Variants in PCDH17 observed in about 807,000 individuals in gnomAD.
PCDH17 encodes the protein protocadherin 17, also known as protocadherin-17.
PCDH17 carries 21 observed loss-of-function variants against 67.7 expected under a neutral mutation model. That is an observed-to-expected ratio of 0.31 (90% CI 0.22 to 0.45). The LOEUF (loss-of-function observed/expected upper bound fraction) is 0.45, where lower values mean the gene tolerates loss of function less well. Among genes scored for constraint, PCDH17 ranks in the 20% least tolerant of loss-of-function variants. PCDH17 has a pLI of 1.00. For missense variants in PCDH17, 1,471 were observed against 1,564.8 expected (o/e 0.94, Z 1.01); for synonymous variants, 701 against 656.7 (o/e 1.07, Z -1.03).
intron 3 of PCDH17, among the ~76,000 whole-genome samples, chr13:57,668,155 T>A (rs1955278688): frequency 6.6e-6 from 1 of 152,010 alleles, no homozygotes; most frequent in Non-Finnish European, 1.5e-5. Context: ...AAAATTTATA[T>A]GTTTACTTGA....
At chr13:57,652,170 C>G (rs966063443) in intron 1 of PCDH17, among the ~76,000 whole-genome samples, 2 of 149,214 alleles carry the variant, frequency 1.3e-5, no homozygotes, top group African/African-American at 4.9e-5. Flanking sequence ...CCCACCTACT[C>G]GGGAGGCTGA....
Position 57,657,107 on chromosome 13 carries a change from GTTA to G in PCDH17, c.2566-9354_2566-9352del, listed in dbSNP as rs144370414. 3.7e-3 allele frequency among the ~76,000 whole-genome samples: 569 copies of G among 152,186 alleles called. 2 individuals are homozygous for G. Among genetic ancestry groups the G allele is most frequent in the African/African-American group, 0.013 (551 of 41,546 alleles). On this transcript the variant is annotated intron_variant, in intron 1 of 3. Transcript: ENST00000377918. ...TACATAATTAAATGCTGGCACATCA[GTTA>G]TTATTAAAGTTATCAATGTCATTTC... is the stretch of plus-strand genomic sequence containing the variant.
intron 1 of PCDH17, among the ~76,000 whole-genome samples, chr13:57,658,164 T>A (rs982550179): frequency 6.6e-6 from 1 of 152,194 alleles, no homozygotes; most frequent in Non-Finnish European, 1.5e-5. Context: ...CTATTTAGAT[T>A]ATTGAGGCAA....
chr13:57,673,063 A>G (rs1345193869), intron 3 of PCDH17, among the ~76,000 whole-genome samples: 2 of 151,978 alleles, frequency 1.3e-5, no homozygotes, highest in African/African-American at 4.8e-5. Flanking sequence ...CTTCTAATCT[A>G]TAACTAAGGT....
chr13:57,670,410 T>C (rs942930598), intron 3 of PCDH17, among the ~76,000 whole-genome samples: 7 of 151,686 alleles, frequency 4.6e-5, no homozygotes, highest in Non-Finnish European at 8.9e-5. Flanking sequence ...AAAACAAAAG[T>C]AAATTTTCTC....
At chr13:57,722,941 A>T (rs1220318058) in intron 3 of PCDH17, among the ~76,000 whole-genome samples, 2 of 152,156 alleles carry the variant, frequency 1.3e-5, no homozygotes, top group African/African-American at 4.8e-5. Context: ...CTTTTAAAAA[A>T]TTTCAGTTCT....
intron 3 of PCDH17, among the ~76,000 whole-genome samples, chr13:57,707,549 T>A (rs1188625088): frequency 6.6e-6 from 1 of 152,128 alleles, no homozygotes; most frequent in African/African-American, 2.4e-5. Context: ...AAGCCACTTC[T>A]ACATTTTTAG....
intron 1 of PCDH17, among the ~76,000 whole-genome samples, chr13:57,659,103 T>TTGTGTG (rs71083322): frequency 0.27 from 37,873 of 139,614 alleles, 5,468 homozygotes; most frequent in South Asian, 0.52. Flanking sequence ...GTTATTTATA[T>TTGTGTG]TGTGTGTGTG....
At chr13:57,702,861 A>C (rs1955680318) in intron 3 of PCDH17, among the ~76,000 whole-genome samples, 1 of 152,140 alleles carries the variant, frequency 6.6e-6, no homozygotes, top group Non-Finnish European at 1.5e-5. Context: ...GGTTAGAAAA[A>C]TTAGCTATTA....
At chr13:57,681,138 G>A (rs1052365419) in intron 3 of PCDH17, among the ~76,000 whole-genome samples, 4 of 151,608 alleles carry the variant, frequency 2.6e-5, no homozygotes, top group African/African-American at 7.3e-5. Context: ...GAGGTAACTC[G>A]CTCATTTTGA....
At chr13:57,689,857 T>C (rs1273694671) in intron 3 of PCDH17, among the ~76,000 whole-genome samples, 2 of 151,904 alleles carry the variant, frequency 1.3e-5, no homozygotes, top group Admixed American at 1.3e-4. Context: ...TGTATACACA[T>C]ACATTTTATA....
intron 3 of PCDH17, among the ~76,000 whole-genome samples, chr13:57,682,936 G>A (rs1311151659): frequency 6.6e-6 from 1 of 151,780 alleles, no homozygotes; most frequent in Non-Finnish European, 1.5e-5. Flanking sequence ...ACAGAATTAT[G>A]TACACTTATC....
chr13:57,694,783 C>T (rs976798674), intron 3 of PCDH17, among the ~76,000 whole-genome samples: 3 of 150,616 alleles, frequency 2.0e-5, no homozygotes, highest in South Asian at 2.1e-4. Flanking sequence ...ATAATTGTTC[C>T]ATTTTAATAG....
intron 3 of PCDH17, among the ~76,000 whole-genome samples, chr13:57,711,266 C>G (rs1036878934): frequency 1.3e-5 from 2 of 151,876 alleles, no homozygotes; most frequent in Admixed American, 1.3e-4. Context: ...TGCATACATG[C>G]ACAGGCACAT....
rs1955908566 is a variant in PCDH17, at chr13:57,725,422, A to G, written c.*128A>G. On this transcript the variant is annotated 3_prime_UTR_variant, in exon 4 of 4. Coordinates refer to ENST00000377918, the MANE Select transcript of PCDH17 (RefSeq NM_001040429.3). ...AATGCTGCTTTAAGGCTTTTAGTGA[A>G]CATCTGAAGTGCCCACAAGTATGTT... The G allele has an allele frequency of 7.9e-6, 6 of 756,976 alleles. No individual in the cohort carries two copies. Among genetic ancestry groups the G allele is most frequent in the Non-Finnish European group, 1.3e-5 (6 of 477,064 alleles). The allele number at this position is 756,976 out of a possible 1,614,324, so 46.9% of individuals were successfully genotyped here. A position where few individuals can be genotyped will look rare whatever the true frequency, so the allele number is the denominator to read the frequency against.
At position 57,634,290 on chromosome 13, in the gene PCDH17, G is replaced by C. The variant is rs777360103; in HGVS notation, c.1744G>C (p.Val582Leu). 2 of 1,613,038 alleles carry C rather than the reference G, an allele frequency of 1.2e-6. No individual in the cohort carries two copies. The highest frequency in any genetic ancestry group is 1.3e-5 in the African/African-American group (1 of 74,944). Residue 582 changes from valine to leucine, a missense_variant, in exon 1 of 4, where the codon GTG (valine) becomes CTG (leucine). Around this residue, in one of 3 missense-constraint regions of PCDH17, gnomAD observed 1,163 missense variants for 1,230.0 expected, o/e 0.95. Coordinates refer to ENST00000377918, the MANE Select transcript of PCDH17 (RefSeq NM_001040429.3). This position sits in a 1 kb window ranked among gnomAD's most constrained non-coding sequence, Gnocchi z 7.8. The stretch of plus-strand genomic sequence containing the variant: ...GCTAGACGTGAATGACAACGCGCCA[G>C]TGATCGTGCTCCCCACGCTGCAGAA... ...TVLDVNDNAP[V>L]IVLPTLQNDT...
Position 57,635,072 on chromosome 13 carries a change from T to C in PCDH17, c.2526T>C (p.Asn842=), listed in dbSNP as rs1332941290. ...CCAGCTTCACCGGACAAGGGACTAA[T>C]GCAAGCGAGACCCCTGCCACTCGGA... ...CHTSFTGQGT[N]ASETPATRMS... Residue 842 remains asparagine, a synonymous_variant, in exon 1 of 4, where the codon AAT becomes AAC. Coordinates refer to ENST00000377918, the MANE Select transcript of PCDH17 (RefSeq NM_001040429.3). The C allele has an allele frequency of 1.2e-6, 2 of 1,613,496 alleles. No individual in the cohort carries two copies. Among genetic ancestry groups the C allele is most frequent in the African/African-American group, 2.7e-5 (2 of 74,910 alleles).
chr13:57,722,760 C>T (rs1042106585), intron 3 of PCDH17, among the ~76,000 whole-genome samples: 9 of 152,106 alleles, frequency 5.9e-5, no homozygotes, highest in African/African-American at 2.2e-4. Flanking sequence ...CATGCACCAC[C>T]TCACCTGGCT....
chr13:57,713,482 T>C (rs114666445), intron 3 of PCDH17, among the ~76,000 whole-genome samples: 2 of 151,708 alleles, frequency 1.3e-5, no homozygotes, highest in African/African-American at 2.4e-5. Context: ...CTACCCTTTA[T>C]AGGTATTTTT....
Sources: gnomAD v4.1 joint callset for allele counts (sites outside exome capture counted in the v4.1 genomes callset) on GRCh38, gnomAD v4.1.1 for gene constraint, gnomAD v4.1.1 regional missense constraint, Gnocchi (gnomAD v3.1) non-coding constraint, MANE v1.5 for transcripts, NCBI Gene and HGNC (gene_info 2026-07-23, HGNC 2026-07-21) for gene names.